LRP8: variants seen among roughly 807,000 people sequenced by gnomAD.
LRP8 encodes LDL receptor related protein 8, also known as low-density lipoprotein receptor-related protein 8.
In LRP8, 46 loss-of-function variants were observed where a neutral mutation model predicts 111.6. The ratio of observed to expected loss-of-function variants is 0.41; its 90% CI spans 0.33 to 0.53. LRP8 has a LOEUF of 0.53. Ranked by LOEUF, LRP8 falls within the 20% of genes least tolerant of loss-of-function variation. The pLI, the probability that LRP8 is intolerant of heterozygous loss-of-function variation, is 0.20. For synonymous variants in LRP8, 464 were observed against 511.2 expected, an observed-to-expected ratio of 0.91 and a Z score of 1.24; for missense variants, 959 against 1,297.4, an observed-to-expected ratio of 0.74 and a Z score of 4.01.
intron 9 of LRP8, 25 bp from the exon 10 acceptor site, chr1:53,264,421 TG>T (rs1557767894): frequency 1.3e-6 from 2 of 1,589,440 alleles, no homozygotes; most frequent in Non-Finnish European, 1.7e-6. Flanking sequence ...GAGATGACCA[TG>T]GGGCAGATGT....
At chr1:53,252,849 C>T (rs571481435) in intron 16 of LRP8, among the ~76,000 whole-genome samples, 29 of 152,140 alleles carry the variant, frequency 1.9e-4, no homozygotes, top group South Asian at 4.2e-4. Context: ...AGAAGAGAAA[C>T]TGAATAAAAA....
At chr1:53,316,520 G>C (rs1288991643) in intron 2 of LRP8, among the ~76,000 whole-genome samples, 1 of 152,206 alleles carries the variant, frequency 6.6e-6, no homozygotes, top group Non-Finnish European at 1.5e-5. Context: ...CCATGGGGTT[G>C]GATTTCACAG....
chr1:53,273,281 C>T (rs1460512765), intron 6 of LRP8, among the ~76,000 whole-genome samples: 1 of 152,130 alleles, frequency 6.6e-6, no homozygotes, highest in Non-Finnish European at 1.5e-5. Context: ...CTGCACACAC[C>T]TACATGCACA....
intron 4 of LRP8, among the ~76,000 whole-genome samples, chr1:53,278,273 A>ACCTCCTCACTTCCCTC (rs1646990764): frequency 6.6e-6 from 1 of 151,678 alleles, no homozygotes; most frequent in African/African-American, 2.4e-5. Flanking sequence ...CAGGGCAGTG[A>ACCTCCTCACTTCCCTC]CCTCCTCACT....
chr1:53,314,516 C>T (rs1162280332), intron 2 of LRP8, among the ~76,000 whole-genome samples: 1 of 152,186 alleles, frequency 6.6e-6, no homozygotes, highest in African/African-American at 2.4e-5. Context: ...GGCAGGCTTG[C>T]CGTGAAGGTG....
chr1:53,311,279 A>C (rs1457618456), intron 2 of LRP8, among the ~76,000 whole-genome samples: 1 of 151,960 alleles, frequency 6.6e-6, no homozygotes, highest in Non-Finnish European at 1.5e-5. Context: ...AGGAGCGGGG[A>C]GGGGTAGCTG....
chr1:53,263,078 A>G (rs1369710355), intron 10 of LRP8, among the ~76,000 whole-genome samples: 5 of 152,216 alleles, frequency 3.3e-5, no homozygotes, highest in African/African-American at 1.2e-4. Context: ...TATCTTGAGT[A>G]TGCAGTGGGT....
chr1:53,285,077 C>T lies in LRP8; in HGVS notation c.368-4362G>A, dbSNP rs141019466. On this transcript the variant is annotated intron_variant, in intron 3 of 18. Transcript: ENST00000306052. Reference sequence around the variant, plus strand: ...CCTGGGAAGTTGGTCTGGGTAATGACTGACACATGGTATCACCCTATGAAG... The same window carrying T: ...CCTGGGAAGTTGGTCTGGGTAATGATTGACACATGGTATCACCCTATGAAG... Among the ~76,000 whole-genome samples, 34 of 152,328 alleles carry T rather than the reference C, an allele frequency of 2.2e-4. 1 individual carries two copies. The East Asian group carries it at 6.6e-3, about 29-fold the overall frequency.
Position 53,245,671 on chromosome 1 carries a change from T to C in LRP8, c.*1347A>G, listed in dbSNP as rs538690609. 2.6e-5 allele frequency: 4 copies of C among 152,734 alleles called. No individual in the cohort carries two copies. Among genetic ancestry groups the C allele is most frequent in the African/African-American group, 9.6e-5 (4 of 41,568 alleles). 9.5% of individuals were successfully genotyped at this position (152,734 alleles called of 1,614,324 possible). A position where few individuals can be genotyped will look rare whatever the true frequency, so the allele number is the denominator to read the frequency against. Reference sequence around the variant, plus strand: ...CAAATATGACTTCAATTTTGGCCAGTTGTTCTGACTTAAGCCAAAAATTAG... The same window carrying C: ...CAAATATGACTTCAATTTTGGCCAGCTGTTCTGACTTAAGCCAAAAATTAG... On this transcript the variant is annotated 3_prime_UTR_variant, in exon 19 of 19. Transcript: ENST00000306052.
intron 16 of LRP8, 149 bp downstream of exon 16, chr1:53,254,968 A>T: frequency 1.2e-6 from 1 of 812,516 alleles, no homozygotes; most frequent in Non-Finnish European, 1.9e-6. Context: ...CTAAAAAACC[A>T]AATTAAATCA....
intron 2 of LRP8, among the ~76,000 whole-genome samples, chr1:53,290,442 C>A (rs927436484): frequency 1.3e-5 from 2 of 152,172 alleles, no homozygotes; most frequent in African/African-American, 4.8e-5. Flanking sequence ...GAAGAACCTG[C>A]AGCAGACTCA....
rs1289236899 is a variant in LRP8, at chr1:53,312,065, CACAG to C, written c.244+14804_244+14807del. On this transcript the variant is annotated intron_variant, in intron 2 of 18. Coordinates refer to ENST00000306052, the MANE Select transcript of LRP8 (RefSeq NM_004631.5). ...TGGGAGGAGTGAGGCCAACATGGGA[CACAG>C]ACAGACAGCCACATGCCTGGAAGAA... Among the ~76,000 whole-genome samples, 5 of 152,314 alleles carry C rather than the reference CACAG, an allele frequency of 3.3e-5. No homozygotes were observed. The East Asian group carries it at 5.8e-4, about 18-fold the overall frequency.
At chr1:53,253,108 A>G (rs1327958471) in intron 16 of LRP8, among the ~76,000 whole-genome samples, 12 of 152,180 alleles carry the variant, frequency 7.9e-5, no homozygotes. Context: ...ATACTCTAAA[A>G]TTTAAATTCC....
chr1:53,327,117 GC>G, intron 1 of LRP8, 125 bp from the exon 2 acceptor site: 2 of 1,335,674 alleles, frequency 1.5e-6, no homozygotes, highest in Non-Finnish European at 2.0e-6. Flanking sequence ...GACCCCGGGG[GC>G]TTCAGGCACA....
At chr1:53,287,600 C>T (rs1360035866) in intron 3 of LRP8, among the ~76,000 whole-genome samples, 1 of 152,178 alleles carries the variant, frequency 6.6e-6, no homozygotes, top group East Asian at 1.9e-4. Context: ...CTTATGAAAC[C>T]TCAGAGAGCT....
At chr1:53,280,270 A>G (rs1164733128) in intron 4 of LRP8, among the ~76,000 whole-genome samples, 1 of 152,198 alleles carries the variant, frequency 6.6e-6, no homozygotes, top group Non-Finnish European at 1.5e-5. Context: ...ACAAAAGCTC[A>G]TGGGCTTTGC....
chr1:53,267,403 T>A (rs1298444231), intron 8 of LRP8: 1 of 151,982 alleles, frequency 6.6e-6, no homozygotes, highest in Non-Finnish European at 1.5e-5. Context: ...GCCCGGGAGG[T>A]TAAGGCTGCA....
intron 15 of LRP8, among the ~76,000 whole-genome samples, chr1:53,256,620 C>T (rs1409263892): frequency 6.6e-6 from 1 of 152,226 alleles, no homozygotes; most frequent in Non-Finnish European, 1.5e-5. Flanking sequence ...AAATGAACTC[C>T]CTCTGGCAGG....
Position 53,275,820 on chromosome 1 carries a change from C to T in LRP8, c.884-67G>A, listed in dbSNP as rs1646900248. ...GTGCTAGGACAATTTCCCCACCACC[C>T]CAATCCCCATGCCATAGCCACCCCC... On this transcript the variant is annotated intron_variant, in intron 5 of 18. Transcript: ENST00000306052. The surrounding 1 kb of genome is among the most constrained non-coding windows in gnomAD (Gnocchi z 4.4). 2 of 1,564,388 alleles carry T rather than the reference C, an allele frequency of 1.3e-6. No homozygotes were observed. Among genetic ancestry groups the T allele is most frequent in the Non-Finnish European group, 1.7e-6 (2 of 1,152,912 alleles).
Sources: gnomAD v4.1 joint callset for allele counts (sites outside exome capture counted in the v4.1 genomes callset) on GRCh38, gnomAD v4.1.1 for gene constraint, Gnocchi (gnomAD v3.1) non-coding constraint, MANE v1.5 for transcripts, NCBI Gene and HGNC (gene_info 2026-07-23, HGNC 2026-07-21) for gene names.